Variants in PRKG1 observed in about 807,000 individuals in gnomAD.
PRKG1 encodes the protein cGMP-dependent protein kinase 1.
Under a neutral mutation model 88.1 loss-of-function variants are expected in PRKG1, and 35 were observed. That is an observed-to-expected ratio of 0.40 (90% CI 0.30 to 0.53). PRKG1 has a LOEUF of 0.53. Among genes scored for constraint, PRKG1 ranks in the 20% least tolerant of loss-of-function variants. PRKG1 has a pLI of 0.59. For missense variants in PRKG1, 540 were observed against 839.8 expected, an observed-to-expected ratio of 0.64 and a Z score of 4.41; for synonymous variants, 303 against 292.5, an observed-to-expected ratio of 1.04 and a Z score of -0.37.
chr10:51,918,136 T>G (rs980423067), intron 5 of PRKG1, among the ~76,000 whole-genome samples: 23 of 152,302 alleles, frequency 1.5e-4, no homozygotes, highest in African/African-American at 5.5e-4. Context: ...GTGGGAAGAC[T>G]GAGCCTCAGA....
chr10:51,148,158 G>T, intron 1 of PRKG1: 1 of 712,964 alleles, frequency 1.4e-6, no homozygotes, highest in Non-Finnish European at 1.7e-6. Context: ...CTTTTAAGAG[G>T]CTCTGCAAGG....
At chr10:51,546,432 C>T (rs1842446653) in intron 3 of PRKG1, among the ~76,000 whole-genome samples, 1 of 152,012 alleles carries the variant, frequency 6.6e-6, no homozygotes, top group Non-Finnish European at 1.5e-5. Flanking sequence ...GGTTTATCCT[C>T]TTGTACGTAA....
intron 5 of PRKG1, among the ~76,000 whole-genome samples, chr10:51,951,837 A>G (rs1329585642): frequency 1.3e-5 from 2 of 152,186 alleles, no homozygotes; most frequent in Non-Finnish European, 2.9e-5. Context: ...CAAAGGCCAA[A>G]TCCAGCATGC....
intron 1 of PRKG1, among the ~76,000 whole-genome samples, chr10:51,113,943 A>ATGTGTGTG (rs1239935307): frequency 8.9e-6 from 1 of 112,056 alleles, no homozygotes; most frequent in African/African-American, 4.4e-5. Flanking sequence ...CAGCCTGTAA[A>ATGTGTGTG]CGTGTGTGTG....
chr10:51,884,463 A>G, intron 4 of PRKG1, among the ~76,000 whole-genome samples: 1 of 145,602 alleles, frequency 6.9e-6, no homozygotes, highest in Non-Finnish European at 1.5e-5. Context: ...AAAAAAAAAA[A>G]AAAAAAAGAA....
chr10:51,520,341 A>G (rs183514810), intron 3 of PRKG1, among the ~76,000 whole-genome samples: 1 of 149,396 alleles, frequency 6.7e-6, no homozygotes, highest in African/African-American at 2.4e-5. Context: ...ATATTTTTAT[A>G]TATTATATGT....
chr10:51,889,805 C>A (rs1841670751), intron 4 of PRKG1, among the ~76,000 whole-genome samples: 4 of 152,160 alleles, frequency 2.6e-5, no homozygotes, highest in Admixed American at 2.6e-4. Context: ...TCTCTGATGG[C>A]CAATGATGAT....
intron 5 of PRKG1, among the ~76,000 whole-genome samples, chr10:52,014,912 T>C (rs1029197690): frequency 2.6e-5 from 4 of 152,216 alleles, no homozygotes; most frequent in African/African-American, 9.6e-5. Context: ...AGGCATAGGT[T>C]CCCAAGGCCT....
At chr10:51,686,592 T>C (rs1840997536) in intron 3 of PRKG1, among the ~76,000 whole-genome samples, 1 of 152,336 alleles carries the variant, frequency 6.6e-6, no homozygotes, top group South Asian at 2.1e-4. Flanking sequence ...CTATAAGCCA[T>C]CTTCCTTCCA....
chr10:51,548,021 G>A (rs182579595), intron 3 of PRKG1, among the ~76,000 whole-genome samples: 142 of 151,982 alleles, frequency 9.3e-4, no homozygotes, highest in Middle Eastern at 3.4e-3. Flanking sequence ...ATAGTTATCC[G>A]TACAAATAGG....
intron 3 of PRKG1, among the ~76,000 whole-genome samples, chr10:51,602,756 GT>G (rs1838645593): frequency 7.6e-6 from 1 of 131,832 alleles, no homozygotes; most frequent in Non-Finnish European, 1.5e-5. Context: ...GTGTGTGTGT[GT>G]GTGTGTGTGT....
intron 3 of PRKG1, among the ~76,000 whole-genome samples, chr10:51,519,763 A>G (rs1348535374): frequency 6.6e-6 from 1 of 152,184 alleles, no homozygotes; most frequent in East Asian, 1.9e-4. Flanking sequence ...CTATTCAAAA[A>G]TAACTCAATC....
chr10:51,832,585 T>C (rs1840030209), intron 4 of PRKG1, among the ~76,000 whole-genome samples: 1 of 152,156 alleles, frequency 6.6e-6, no homozygotes, highest in Non-Finnish European at 1.5e-5. Flanking sequence ...GGTATGATAA[T>C]TTTAGTTTCT....
At chr10:51,237,614 G>A (rs1190997649) in intron 2 of PRKG1, among the ~76,000 whole-genome samples, 1 of 152,038 alleles carries the variant, frequency 6.6e-6, no homozygotes, top group Non-Finnish European at 1.5e-5. Flanking sequence ...AAAAGATAAA[G>A]GACACATCCA....
At chr10:52,073,937 TA>T in intron 7 of PRKG1, among the ~76,000 whole-genome samples, 1 of 152,220 alleles carries the variant, frequency 6.6e-6, no homozygotes, top group Non-Finnish European at 1.5e-5. Flanking sequence ...ACTTCCACAA[TA>T]ATCAAGATTA....
chr10:51,552,403 T>C (rs1837161474), intron 3 of PRKG1, among the ~76,000 whole-genome samples: 1 of 151,712 alleles, frequency 6.6e-6, no homozygotes, highest in African/African-American at 2.4e-5. Context: ...AGTGTTTTTT[T>C]CTAGCAAACT....
intron 9 of PRKG1, among the ~76,000 whole-genome samples, chr10:52,235,745 TAGAC>T (rs1324511666): frequency 1.2e-5 from 1 of 85,320 alleles, no homozygotes; most frequent in Non-Finnish European, 2.4e-5. Context: ...CTGTCAACAT[TAGAC>T]AGATCAACGA....
chr10:52,035,774 AG>A (rs1475578196), intron 5 of PRKG1, among the ~76,000 whole-genome samples: 1 of 152,150 alleles, frequency 6.6e-6, no homozygotes, highest in Non-Finnish European at 1.5e-5. Context: ...GGAAGTTATG[AG>A]AACTGTAGAG....
intron 9 of PRKG1, among the ~76,000 whole-genome samples, chr10:52,234,024 T>G (rs371177242): frequency 6.6e-6 from 1 of 151,832 alleles, no homozygotes. Context: ...CCGAGCAGTC[T>G]AACTGGGAGG....
Sources: allele counts gnomAD v4.1 joint callset (sites outside exome capture counted in the v4.1 genomes callset), GRCh38; gene constraint gnomAD v4.1.1; transcripts MANE v1.5; gene names NCBI Gene and HGNC (gene_info 2026-07-23, HGNC 2026-07-21).